DOCK3: variants seen among roughly 807,000 people sequenced by gnomAD.
DOCK3 encodes the protein dedicator of cytokinesis 3, also known as dedicator of cytokinesis protein 3.
A neutral mutation model predicts 265.6 loss-of-function variants in DOCK3; 60 were observed. The observed-to-expected ratio is 0.23, with a 90% CI of 0.18 to 0.28. DOCK3 has a LOEUF of 0.28. Among genes scored for constraint, DOCK3 ranks in the 10% least tolerant of loss-of-function variants. DOCK3 has a pLI of 1.00. For synonymous variants in DOCK3, 881 were observed against 938.0 expected (o/e 0.94, Z 1.11); for missense variants, 1,981 against 2,594.3 (o/e 0.76, Z 5.14).
In DOCK3 at chr3:51,172,398, C is replaced by T. The variant is rs149853679; in HGVS notation, c.1037+11696C>T. On this transcript the variant is annotated intron_variant, in intron 12 of 52. Transcript: ENST00000266037. The stretch of plus-strand genomic sequence containing the variant: ...TCACCATGTTAGCCAGGATGGTCTC[C>T]ATCTCCTGACCTCGTCATCTGCCCG... 7.5e-3 allele frequency among the ~76,000 whole-genome samples: 1,144 copies of T among 152,134 alleles called. 15 individuals carry two copies. The highest frequency in any genetic ancestry group is 0.026 in the African/African-American group (1,098 of 41,522).
chr3:50,937,613 G>A (rs1321430889), intron 5 of DOCK3, among the ~76,000 whole-genome samples: 4 of 152,060 alleles, frequency 2.6e-5, no homozygotes, highest in Non-Finnish European at 5.9e-5. Context: ...CAGAGATGAC[G>A]CCAGTGCACT....
At chr3:51,054,005 A>C (rs2081103353) in intron 5 of DOCK3, among the ~76,000 whole-genome samples, 1 of 151,438 alleles carries the variant, frequency 6.6e-6, no homozygotes, top group African/African-American at 2.4e-5. Context: ...TGTTAATCTA[A>C]CCTGAGAATT....
intron 22 of DOCK3, among the ~76,000 whole-genome samples, chr3:51,258,031 C>A (rs947189104): frequency 6.6e-6 from 1 of 152,176 alleles, no homozygotes; most frequent in Admixed American, 6.5e-5. Flanking sequence ...ACTTCTCTGA[C>A]ATCAGCCTTG....
intron 1 of DOCK3, among the ~76,000 whole-genome samples, chr3:50,715,212 A>G (rs1416880253): frequency 6.6e-6 from 1 of 152,184 alleles, no homozygotes. Context: ...TGGATCAGGA[A>G]ATGTCTCAGA....
At chr3:50,996,419 G>C (rs1053659793) in intron 5 of DOCK3, among the ~76,000 whole-genome samples, 2 of 151,842 alleles carry the variant, frequency 1.3e-5, no homozygotes, top group African/African-American at 4.8e-5. Context: ...GGGTTTCACC[G>C]TGTTAGCCAG....
At chr3:51,247,777 T>C (rs2078909151) in intron 22 of DOCK3, among the ~76,000 whole-genome samples, 2 of 152,170 alleles carry the variant, frequency 1.3e-5, no homozygotes, top group African/African-American at 4.8e-5. Flanking sequence ...GACCAGCCCA[T>C]CTTCTTGAAG....
chr3:50,929,460 T>C (rs946062207), intron 4 of DOCK3, among the ~76,000 whole-genome samples: 4 of 152,214 alleles, frequency 2.6e-5, no homozygotes, highest in African/African-American at 9.7e-5. Flanking sequence ...TGGTGTTGTG[T>C]CTCATGTTGG....
chr3:50,869,376 T>TGGAGATAGGG (rs2047326927), intron 3 of DOCK3, among the ~76,000 whole-genome samples: 1 of 71,854 alleles, frequency 1.4e-5, no homozygotes, highest in Admixed American at 1.6e-4. Flanking sequence ...TTTTTTTTTT[T>TGGAGATAGGG]TTTTTTTTTT....
At chr3:51,254,692 C>G (rs953801201) in intron 22 of DOCK3, among the ~76,000 whole-genome samples, 3 of 152,082 alleles carry the variant, frequency 2.0e-5, no homozygotes, top group Non-Finnish European at 4.4e-5. Flanking sequence ...ATTGCAACCC[C>G]TGCTTTTTTT....
intron 27 of DOCK3, among the ~76,000 whole-genome samples, chr3:51,302,585 C>T (rs2082415548): frequency 6.6e-6 from 1 of 151,820 alleles, no homozygotes; most frequent in Non-Finnish European, 1.5e-5. Context: ...TTTGGTGCTT[C>T]CTTCAGGAGT....
At position 51,312,562 on chromosome 3, in the gene DOCK3, G is replaced by A. The variant is rs563020416; in HGVS notation, c.3180G>A (p.Lys1060=). ...AAATTATCACCTCAGCCAAAAGGAA[G>A]AAGATTCTAGATAAGTAAGATAAAC... The part of the protein sequence containing the change: ...QLEIITSAKR[K]KILDKYGDMR... The change falls in exon 30 of 53, where the codon AAG becomes AAA. Residue 1060 remains lysine (K), a synonymous_variant. Coordinates refer to ENST00000266037, the MANE Select transcript of DOCK3 (RefSeq NM_004947.5). 2.5e-6 allele frequency: 4 copies of A among 1,589,372 alleles called. No homozygotes were observed. In the East Asian group the frequency reaches 6.7e-5, roughly 27 times the overall value.
chr3:51,233,358 C>CTATTTATTTATT (rs771753831), intron 19 of DOCK3, among the ~76,000 whole-genome samples: 20 of 61,166 alleles, frequency 3.3e-4, no homozygotes, highest in Middle Eastern at 8.3e-3. Context: ...ATCTATCTAT[C>CTATTTATTTATT]TATTTATTTA....
chr3:51,304,488 G>C (rs1367960396), intron 27 of DOCK3, among the ~76,000 whole-genome samples: 1 of 152,176 alleles, frequency 6.6e-6, no homozygotes, highest in African/African-American at 2.4e-5. Context: ...GGCAGCTGCA[G>C]TGATGGCTGC....
At chr3:51,348,723 A>G in intron 38 of DOCK3, 129 bp from the exon 39 acceptor site, 1 of 888,188 alleles carries the variant, frequency 1.1e-6, no homozygotes, top group Non-Finnish European at 1.8e-6. Context: ...CTTGAGGTAT[A>G]TGTTCTTTGT....
At chr3:51,129,198 A>G (rs1331193498) in intron 9 of DOCK3, among the ~76,000 whole-genome samples, 1 of 152,234 alleles carries the variant, frequency 6.6e-6, no homozygotes, top group East Asian at 1.9e-4. Flanking sequence ...AACCAGGTGC[A>G]CTACTTGCAG....
At chr3:51,164,162 T>TC in intron 12 of DOCK3, among the ~76,000 whole-genome samples, 1 of 152,216 alleles carries the variant, frequency 6.6e-6, no homozygotes, top group Non-Finnish European at 1.5e-5. Flanking sequence ...AATTTGGTGA[T>TC]CATACCCCAA....
At chr3:51,060,347 C>G (rs1158945968) in intron 5 of DOCK3, among the ~76,000 whole-genome samples, 1 of 152,056 alleles carries the variant, frequency 6.6e-6, no homozygotes, top group Non-Finnish European at 1.5e-5. Context: ...TGTAGGTTGC[C>G]TGTTCACTCT....
intron 38 of DOCK3, among the ~76,000 whole-genome samples, chr3:51,343,672 G>A (rs1321892944): frequency 6.6e-6 from 1 of 152,224 alleles, no homozygotes; most frequent in Non-Finnish European, 1.5e-5. Context: ...TGCTACCTCT[G>A]TGCAGAGGCA....
chr3:51,169,100 A>C (rs1459033917), intron 12 of DOCK3, among the ~76,000 whole-genome samples: 4 of 152,194 alleles, frequency 2.6e-5, no homozygotes, highest in Non-Finnish European at 4.4e-5. Context: ...ATGCTGGTGA[A>C]GTTGCAGAGA....
Sources: gnomAD v4.1 joint callset for allele counts (sites outside exome capture counted in the v4.1 genomes callset) on GRCh38, gnomAD v4.1.1 for gene constraint, MANE v1.5 for transcripts, NCBI Gene and HGNC (gene_info 2026-07-23, HGNC 2026-07-21) for gene names.